The following TRANK1 variants were observed in gnomAD, a reference collection of about 807,000 sequenced individuals.
TRANK1 encodes the protein tetratricopeptide repeat and ankyrin repeat containing 1, also known as TPR and ankyrin repeat-containing protein 1.
TRANK1 carries 198 observed loss-of-function variants against 266.0 expected under a neutral mutation model. The observed-to-expected ratio is 0.74, with a 90% CI of 0.66 to 0.84. TRANK1 has a LOEUF of 0.84. Ranked by LOEUF, TRANK1 falls within the 40% of genes least tolerant of loss-of-function variation. TRANK1 has a pLI of 0.00. For missense variants in TRANK1, 3,326 were observed against 3,634.6 expected, an observed-to-expected ratio of 0.92 and a Z score of 2.18; for synonymous variants, 1,396 against 1,384.1, an observed-to-expected ratio of 1.01 and a Z score of -0.19.
In TRANK1 at chr3:36,856,168, T is replaced by A; in HGVS notation, c.3554A>T (p.His1185Leu). Reference sequence around the variant, plus strand: ...GATCTGATGTAAATGCTCCAGCTGGTGGGGATGTTCTGGTGCACATACTTC... The same window carrying A: ...GATCTGATGTAAATGCTCCAGCTGGAGGGGATGTTCTGGTGCACATACTTC... ...AAEVCAPEHP[H>L]QLEHLHQIFV... The change falls in exon 13 of 24, where the codon CAC (histidine) becomes CTC (leucine). Residue 1185 changes from histidine to leucine, a missense_variant. Physicochemically the swap from His to Leu is moderately conservative, Grantham distance 99. Coordinates refer to ENST00000645898, the MANE Select transcript of TRANK1 (RefSeq NM_001329998.2). The A allele has an allele frequency of 6.2e-7, 1 of 1,613,958 alleles. No homozygotes were observed. Among genetic ancestry groups the A allele is most frequent in the Non-Finnish European group, 8.5e-7 (1 of 1,179,880 alleles).
intron 9 of TRANK1, among the ~76,000 whole-genome samples, chr3:36,871,711 C>G (rs1334726596): frequency 6.6e-6 from 1 of 152,204 alleles, no homozygotes; most frequent in African/African-American, 2.4e-5. Flanking sequence ...CTACCCCTCT[C>G]TCCTTGTTCT....
chr3:36,842,586 C>A (rs1380613884), intron 18 of TRANK1, 36 bp downstream of exon 18: 2 of 1,588,268 alleles, frequency 1.3e-6, no homozygotes, highest in Non-Finnish European at 1.7e-6. Context: ...GACGAGGGCA[C>A]CAGTGACAAG....
intron 11 of TRANK1, among the ~76,000 whole-genome samples, chr3:36,859,493 C>G (rs1427130767): frequency 1.3e-5 from 2 of 152,066 alleles, no homozygotes; most frequent in Non-Finnish European, 2.9e-5. Flanking sequence ...TGTTCAACAG[C>G]CACTTATGAG....
chr3:36,942,482 C>CA (rs565174922), intron 1 of TRANK1, among the ~76,000 whole-genome samples: 24,875 of 79,608 alleles, frequency 0.31, 4,438 homozygotes, highest in Non-Finnish European at 0.38. Flanking sequence ...TCTTCTTCCT[C>CA]AAAAAAAAAA....
intron 13 of TRANK1, among the ~76,000 whole-genome samples, chr3:36,853,389 A>G (rs1475861348): frequency 1.3e-5 from 2 of 152,218 alleles, no homozygotes; most frequent in African/African-American, 4.8e-5. Flanking sequence ...ATGTATCCCC[A>G]TTGCTATTAC....
At chr3:36,874,078 C>T (rs1208436671) in intron 9 of TRANK1, 48 bp downstream of exon 9, 3 of 1,488,068 alleles carry the variant, frequency 2.0e-6, no homozygotes, top group Non-Finnish European at 2.7e-6. Flanking sequence ...TCTAATGTCA[C>T]AGAACCAGTT....
In TRANK1 at chr3:36,844,980, T is replaced by C. The variant is rs1285635595; in HGVS notation, c.5191+1268A>G. 2.0e-5 allele frequency among the ~76,000 whole-genome samples: 3 copies of C among 152,042 alleles called. No homozygotes were observed. In the East Asian group the frequency reaches 5.8e-4, roughly 29 times the overall value. On this transcript the variant is annotated intron_variant, in intron 17 of 23. Transcript: ENST00000645898. ...TCTCCTTCATGAAGGGCTGATTATT[T>C]CTCTTCTCAGTTATCGTATCAGGAG...
chr3:36,841,696 C>G (rs961740610), intron 18 of TRANK1, among the ~76,000 whole-genome samples: 1 of 152,274 alleles, frequency 6.6e-6, no homozygotes, highest in East Asian at 1.9e-4. Context: ...GAAGAAAGTG[C>G]CTGCACTTCA....
At position 36,832,712 on chromosome 3, in the gene TRANK1, C is replaced by A; in HGVS notation, c.6871G>T (p.Glu2291Ter). 2 of 1,614,026 alleles carry A rather than the reference C, an allele frequency of 1.2e-6. No individual in the cohort carries two copies. Among genetic ancestry groups the A allele is most frequent in the Admixed American group, 3.3e-5 (2 of 60,030 alleles). The stretch of plus-strand genomic sequence containing the variant: ...GATTTGTAATTTGGTTTGAGGATTT[C>A]TTTGCATGCCATGGGGTTTTCTGAC... Reference protein sequence around the residue: ...VLSENPMACKEILKPNYKSFR... With the variant: ...VLSENPMACK Residue 2291 changes from glutamate (E) to a stop codon, truncating the protein, a stop_gained, in exon 22 of 24, where the codon GAA becomes TAA. Transcript: ENST00000645898. LOFTEE classifies it high-confidence loss of function.
intron 9 of TRANK1, among the ~76,000 whole-genome samples, chr3:36,866,102 AAG>A (rs1326723241): frequency 2.7e-5 from 4 of 148,202 alleles, no homozygotes; most frequent in African/African-American, 1.0e-4. Flanking sequence ...GAAAGAAAGA[AAG>A]AAAGAAAGAA....
intron 12 of TRANK1, 38 bp from the exon 13 acceptor site, chr3:36,858,087 A>T: frequency 6.8e-7 from 1 of 1,459,882 alleles, no homozygotes; most frequent in Non-Finnish European, 9.1e-7. Context: ...GCACTGAGCC[A>T]CTCTTCTTAG....
At chr3:36,924,728 C>T (rs751350860) in intron 1 of TRANK1, among the ~76,000 whole-genome samples, 16 of 152,216 alleles carry the variant, frequency 1.1e-4, no homozygotes, top group African/African-American at 2.9e-4. Context: ...TAACTGCCAC[C>T]GGTGCGAAAG....
rs1408465297 is a variant in TRANK1 at position 36,857,916 on chromosome 3, G to T, written c.1806C>A (p.Gly602=). Residue 602 remains glycine, a synonymous_variant, in exon 13 of 24, where the codon GGC becomes GGA. Transcript: ENST00000645898. The surrounding 1 kb of genome is among the most constrained non-coding windows in gnomAD (Gnocchi z 4.3). ...ACAGCTTCTTCACGCGCTTTAGCAT[G>T]CCCTTCTGGAAGAGGATGTGCATCA... The part of the protein sequence containing the change: ...NTLMHILFQK[G]MLKRVKKLLD... 9 of 1,607,970 alleles carry T rather than the reference G, an allele frequency of 5.6e-6. No individual in the cohort carries two copies. In the Admixed American group the frequency reaches 1.5e-4, roughly 27 times the overall value.
At chr3:36,865,674 C>G (rs898608604) in intron 9 of TRANK1, among the ~76,000 whole-genome samples, 1 of 152,054 alleles carries the variant, frequency 6.6e-6, no homozygotes. Flanking sequence ...GAGTTCAAGA[C>G]CAGCCTGAGC....
Position 36,855,379 on chromosome 3 carries a change from G to T in TRANK1, c.4343C>A (p.Ala1448Glu). ...GTCATTGATGCATTTCATCAGCAGC[G>T]CCAGCTCGGCCTGGGTAAAGTCTTG... ...EIQDFTQAEL[A>E]LLMKCINDPN... is the part of the protein sequence containing the mutation. Residue 1448 changes from alanine to glutamate, a missense_variant, in exon 13 of 24, where the codon GCG (alanine) becomes GAG (glutamate). Transcript: ENST00000645898. 1.2e-6 allele frequency: 2 copies of T among 1,614,024 alleles called. No homozygotes were observed. Among genetic ancestry groups the T allele is most frequent in the African/African-American group, 1.3e-5 (1 of 75,052 alleles).
chr3:36,834,304 C>T, intron 21 of TRANK1: 1 of 199,466 alleles, frequency 5.0e-6, no homozygotes, highest in Admixed American at 5.5e-5. Flanking sequence ...GGGTCTACAA[C>T]TCTGTTCAGT....
At chr3:36,910,407 A>G (rs4425211) in intron 1 of TRANK1, among the ~76,000 whole-genome samples, 48,750 of 152,134 alleles carry the variant, frequency 0.32, 8,797 homozygotes, top group Non-Finnish European at 0.42. Context: ...AATCAGTTAT[A>G]GAAGATCCGT....
At chr3:36,873,919 A>G (rs2079346516) in intron 9 of TRANK1, among the ~76,000 whole-genome samples, 1 of 151,370 alleles carries the variant, frequency 6.6e-6, no homozygotes, top group East Asian at 1.9e-4. Flanking sequence ...AGAATGTCAT[A>G]GCATCTCTCT....
intron 23 of TRANK1, among the ~76,000 whole-genome samples, chr3:36,828,781 G>A (rs1170669523): frequency 6.6e-6 from 1 of 152,066 alleles, no homozygotes; most frequent in Non-Finnish European, 1.5e-5. Context: ...CACTTGAATT[G>A]GTATACCAAT....
Sources: allele counts gnomAD v4.1 joint callset (sites outside exome capture counted in the v4.1 genomes callset), GRCh38; gene constraint gnomAD v4.1.1; non-coding constraint Gnocchi (gnomAD v3.1); transcripts MANE v1.5; gene names NCBI Gene and HGNC (gene_info 2026-07-23, HGNC 2026-07-21).